PPARGC1B: variants seen among roughly 807,000 people sequenced by gnomAD.
The protein encoded by PPARGC1B is peroxisome proliferator-activated receptor gamma coactivator 1-beta.
Under a neutral mutation model 101.6 loss-of-function variants are expected in PPARGC1B, and 34 were observed. The ratio of observed to expected loss-of-function variants is 0.33; its 90% confidence interval spans 0.25 to 0.45. The LOEUF (loss-of-function observed/expected upper bound fraction) is 0.45. Ranked by LOEUF, PPARGC1B falls within the 20% of genes least tolerant of loss-of-function variation. PPARGC1B has a pLI of 1.00. For missense variants in PPARGC1B, 1,234 were observed against 1,317.6 expected (o/e 0.94, Z 0.98); for synonymous variants, 548 against 539.3 (o/e 1.02, Z -0.22).
intron 1 of PPARGC1B, chr5:149,772,239 T>C: frequency 6.4e-7 from 1 of 1,566,338 alleles, no homozygotes; most frequent in Non-Finnish European, 8.7e-7. Flanking sequence ...CGGGAGGGTG[T>C]TGGGTAGACA....
At chr5:149,774,508 G>A (rs529138454) in intron 1 of PPARGC1B, among the ~76,000 whole-genome samples, 62 of 152,138 alleles carry the variant, frequency 4.1e-4, no homozygotes, top group African/African-American at 1.0e-3. Context: ...CACGATGACC[G>A]GCCTGACCAC....
At chr5:149,856,400 G>T (rs1002376090), downstream of PPARGC1B, among the ~76,000 whole-genome samples, 1 of 152,158 alleles carries the variant, frequency 6.6e-6, no homozygotes, top group Admixed American at 6.5e-5. Flanking sequence ...CTCAGTACCT[G>T]TTGCCCATCT....
chr5:149,842,177 T>C, intron 9 of PPARGC1B, 79 bp from the exon 10 acceptor site: 2 of 1,569,118 alleles, frequency 1.3e-6, no homozygotes, highest in Non-Finnish European at 1.7e-6. Flanking sequence ...GGACAAGGAC[T>C]CCACGGGAGC....
Position 149,743,109 on chromosome 5 carries a change from T to A in PPARGC1B, c.78+12689T>A, listed in dbSNP as rs191524919. On this transcript the variant is annotated intron_variant, in intron 1 of 11. Transcript: ENST00000309241. ...GCCTTCCCTGGAGCCTGGTTAAATGTAAACTGTAGCCTCAGCCCTTTATAA... is the reference window on the plus strand; with the variant it reads ...GCCTTCCCTGGAGCCTGGTTAAATGAAAACTGTAGCCTCAGCCCTTTATAA... Among the ~76,000 whole-genome samples, 60 of 152,122 alleles carry A rather than the reference T, an allele frequency of 3.9e-4. 1 individual carries two copies. The South Asian group carries it at 8.9e-3, about 23-fold the overall frequency.
intron 1 of PPARGC1B, among the ~76,000 whole-genome samples, chr5:149,782,268 G>A (rs1390304437): frequency 6.6e-6 from 1 of 152,096 alleles, no homozygotes; most frequent in Non-Finnish European, 1.5e-5. Context: ...GTGACCTTGG[G>A]TGTGGCCATT....
intron 1 of PPARGC1B, among the ~76,000 whole-genome samples, chr5:149,812,873 C>A (rs1477319413): frequency 6.6e-6 from 1 of 152,164 alleles, no homozygotes; most frequent in Non-Finnish European, 1.5e-5. Flanking sequence ...GGTCAGCTTC[C>A]CAGAGGAAAC....
rs773384385 is a variant in PPARGC1B, at chr5:149,833,176, C to G, written c.1103C>G (p.Ser368Cys). 6.2e-7 allele frequency: 1 copy of G among 1,613,588 alleles called. No individual in the cohort carries two copies. Among genetic ancestry groups the G allele is most frequent in the East Asian group, 2.2e-5 (1 of 44,876 alleles). The change falls in exon 5 of 12, where the codon TCC (serine) becomes TGC (cysteine). Residue 368 changes from serine to cysteine, a missense_variant. Coordinates refer to ENST00000309241, the MANE Select transcript of PPARGC1B (RefSeq NM_133263.4). The surrounding 1 kb of genome is among the most constrained non-coding windows in gnomAD (Gnocchi z 4.1). The stretch of plus-strand genomic sequence containing the variant: ...CGTCTGGCCACGCCTGTTTATGCCT[C>G]CCTCACACCTCGGTCAAGGCCCAGG... ...PYRLATPVYA[S>C]LTPRSRPRPP...
intron 1 of PPARGC1B, among the ~76,000 whole-genome samples, chr5:149,779,109 A>T (rs1756500958): frequency 6.6e-6 from 1 of 152,186 alleles, no homozygotes; most frequent in South Asian, 2.1e-4. Context: ...CCAAAGGCCC[A>T]TCGTGATCTG....
chr5:149,796,361 A>G (rs11951823), intron 1 of PPARGC1B, among the ~76,000 whole-genome samples: 7,618 of 152,254 alleles, frequency 0.05, 605 homozygotes, highest in African/African-American at 0.17. Flanking sequence ...TGGCTGTGGC[A>G]TGGTCAGTGA....
chr5:149,752,128 A>G (rs1755330244), intron 1 of PPARGC1B, among the ~76,000 whole-genome samples: 1 of 152,194 alleles, frequency 6.6e-6, no homozygotes, highest in African/African-American at 2.4e-5. Context: ...ACAATATCTG[A>G]TCACCTCCAA....
chr5:149,762,659 A>ATG (rs1755758627), intron 1 of PPARGC1B, among the ~76,000 whole-genome samples: 1 of 152,142 alleles, frequency 6.6e-6, no homozygotes. Flanking sequence ...TAATGCTTGT[A>ATG]TGTGTGGAAG....
At chr5:149,777,521 G>A (rs953867527) in intron 1 of PPARGC1B, among the ~76,000 whole-genome samples, 1 of 152,166 alleles carries the variant, frequency 6.6e-6, no homozygotes, top group Non-Finnish European at 1.5e-5. Context: ...GAGCTCAGGA[G>A]TGTGTTGGGA....
intron 6 of PPARGC1B, 114 bp downstream of exon 6, chr5:149,834,824 C>A: frequency 1.1e-6 from 1 of 892,030 alleles, no homozygotes; most frequent in Non-Finnish European, 1.8e-6. Context: ...CGGCCCCACA[C>A]CCTGTGCCCT....
chr5:149,811,548 C>T (rs4235745), intron 1 of PPARGC1B, among the ~76,000 whole-genome samples: 62,434 of 151,898 alleles, frequency 0.41, 13,936 homozygotes, highest in African/African-American at 0.58. Context: ...ACAACTAAGT[C>T]GGTGGGAGCA....
intron 1 of PPARGC1B, among the ~76,000 whole-genome samples, chr5:149,792,868 T>C (rs1757072343): frequency 6.6e-6 from 1 of 152,158 alleles, no homozygotes; most frequent in African/African-American, 2.4e-5. Flanking sequence ...GACTTCATTT[T>C]GACATTCTTC....
intron 1 of PPARGC1B, among the ~76,000 whole-genome samples, chr5:149,758,411 A>T (rs528631506): frequency 9.2e-5 from 14 of 152,322 alleles, no homozygotes; most frequent in Middle Eastern, 6.8e-3. Flanking sequence ...CCATTCTCTT[A>T]GAGCTTAGAG....
At chr5:149,760,358 C>T (rs934670209) in intron 1 of PPARGC1B, among the ~76,000 whole-genome samples, 8 of 152,208 alleles carry the variant, frequency 5.3e-5, no homozygotes, top group Non-Finnish European at 1.2e-4. Context: ...TGAATGGTAG[C>T]TATGGGAAGG....
rs779135115 is a variant in PPARGC1B, at chr5:149,730,358, T to G, written c.16T>G (p.Cys6Gly). 2 of 1,567,524 alleles carry G rather than the reference T, an allele frequency of 1.3e-6. No individual in the cohort carries two copies. The highest frequency in any genetic ancestry group is 1.7e-6 in the Non-Finnish European group (2 of 1,159,708). The change falls in exon 1 of 12, where the codon TGC becomes GGC. Residue 6 changes from cysteine (C) to glycine (G), a missense_variant. Coordinates refer to ENST00000309241, the MANE Select transcript of PPARGC1B (RefSeq NM_133263.4). The surrounding 1 kb of genome is among the most constrained non-coding windows in gnomAD (Gnocchi z 4.0). The part of the protein sequence containing the change: MAGND[C>G]GALLDEELSS... ...CGGCTGGAAGATGGCGGGGAACGAC[T>G]GCGGCGCGCTGCTGGACGAAGAGCT...
At chr5:149,769,844 C>T (rs1176678803) in intron 1 of PPARGC1B, among the ~76,000 whole-genome samples, 1 of 152,186 alleles carries the variant, frequency 6.6e-6, no homozygotes, top group Non-Finnish European at 1.5e-5. Context: ...GGCCCTGACC[C>T]TGACCCTGAC....
Sources: allele counts gnomAD v4.1 joint callset (sites outside exome capture counted in the v4.1 genomes callset), GRCh38; gene constraint gnomAD v4.1.1; non-coding constraint Gnocchi (gnomAD v3.1); transcripts MANE v1.5; gene names NCBI Gene and HGNC (gene_info 2026-07-23, HGNC 2026-07-21).